RARB: variants seen among roughly 807,000 people sequenced by gnomAD.
RARB encodes HBV-activated protein.
A neutral mutation model predicts 51.9 loss-of-function variants in RARB; 17 were observed. The ratio of observed to expected loss-of-function variants is 0.33; its 90% confidence interval spans 0.22 to 0.49. The LOEUF (loss-of-function observed/expected upper bound fraction) is 0.49. Ranked by LOEUF, RARB falls within the 20% of genes least tolerant of loss-of-function variation. The probability of loss-of-function intolerance (pLI) is 0.99; values close to 1 mark genes in which losing one functional copy is unlikely to be tolerated. For missense variants in RARB, 369 were observed against 550.8 expected, an observed-to-expected ratio of 0.67 and a Z score of 3.30; for synonymous variants, 215 against 195.4, an observed-to-expected ratio of 1.10 and a Z score of -0.84.
chr3:25,552,484 T>C (rs1699887445), intron 3 of RARB, among the ~76,000 whole-genome samples: 1 of 152,096 alleles, frequency 6.6e-6, no homozygotes, highest in African/African-American at 2.4e-5. Flanking sequence ...GGGAACATTC[T>C]CGTGCCAGTG....
chr3:24,886,738 T>C (rs1035874369), intron 2 of RARB, among the ~76,000 whole-genome samples: 7 of 152,096 alleles, frequency 4.6e-5, no homozygotes, highest in Non-Finnish European at 1.0e-4. Context: ...GCCTAACCTG[T>C]AGATGAAACT....
At chr3:25,098,660 T>C (rs1361321926) in intron 3 of RARB, among the ~76,000 whole-genome samples, 3 of 152,146 alleles carry the variant, frequency 2.0e-5, no homozygotes, top group Non-Finnish European at 2.9e-5. Flanking sequence ...ACATTGTCTA[T>C]GGCTGATTTT....
At chr3:25,229,028 C>G (rs1406133319) in intron 5 of RARB, among the ~76,000 whole-genome samples, 1 of 152,246 alleles carries the variant, frequency 6.6e-6, no homozygotes, top group Non-Finnish European at 1.5e-5. Flanking sequence ...TCCACTAACT[C>G]AGTCTTCACT....
intron 2 of RARB, among the ~76,000 whole-genome samples, chr3:24,900,625 G>A (rs988704557): frequency 6.6e-6 from 1 of 152,194 alleles, no homozygotes; most frequent in Admixed American, 6.5e-5. Context: ...ATTTGCCAAA[G>A]CTTGCTTACA....
intron 5 of RARB, among the ~76,000 whole-genome samples, chr3:25,296,312 C>T (rs1284372163): frequency 1.3e-5 from 2 of 152,030 alleles, no homozygotes; most frequent in African/African-American, 4.8e-5. Context: ...AAGCTGGTAA[C>T]TAGGGTTTTG....
chr3:25,453,364 C>A (rs947187813), intron 1 of RARB, among the ~76,000 whole-genome samples: 3 of 151,452 alleles, frequency 2.0e-5, no homozygotes, highest in Non-Finnish European at 2.9e-5. Flanking sequence ...TCTCCTGCCT[C>A]AGCCTCCCGA....
intron 5 of RARB, among the ~76,000 whole-genome samples, chr3:25,249,420 C>T (rs1702649369): frequency 6.6e-6 from 1 of 151,910 alleles, no homozygotes; most frequent in Non-Finnish European, 1.5e-5. Flanking sequence ...ATTCGTTTTC[C>T]AGAATGTCAT....
chr3:24,835,343 A>T (rs763106899), intron 1 of RARB, among the ~76,000 whole-genome samples: 3 of 152,192 alleles, frequency 2.0e-5, no homozygotes, highest in Non-Finnish European at 4.4e-5. Flanking sequence ...TGTTGTTTTT[A>T]CAAGCAGGTG....
chr3:25,364,396 T>G (rs1706047764), intron 5 of RARB, among the ~76,000 whole-genome samples: 1 of 152,254 alleles, frequency 6.6e-6, no homozygotes, highest in Non-Finnish European at 1.5e-5. Flanking sequence ...TGTTGAATCC[T>G]ATGTACCTCC....
At chr3:25,093,074 G>A (rs1321562292) in intron 3 of RARB, among the ~76,000 whole-genome samples, 1 of 152,064 alleles carries the variant, frequency 6.6e-6, no homozygotes, top group Non-Finnish European at 1.5e-5. Flanking sequence ...TCATCTCATG[G>A]TCATCTCATG....
At chr3:25,049,207 G>A (rs967872327) in intron 2 of RARB, among the ~76,000 whole-genome samples, 3 of 152,184 alleles carry the variant, frequency 2.0e-5, no homozygotes, top group African/African-American at 7.2e-5. Flanking sequence ...GGATGCCTGT[G>A]GAAGAACTAA....
chr3:25,187,006 G>C (rs2125360992), intron 5 of RARB, among the ~76,000 whole-genome samples: 1 of 150,288 alleles, frequency 6.7e-6, no homozygotes, highest in East Asian at 2.0e-4. Flanking sequence ...AAGGAAGTAG[G>C]ATTTAATGGT....
chr3:24,937,214 G>A (rs1274095222), intron 2 of RARB, among the ~76,000 whole-genome samples: 1 of 151,956 alleles, frequency 6.6e-6, no homozygotes, highest in Non-Finnish European at 1.5e-5. Context: ...CTTTATTTTT[G>A]CTCTTTTATC....
chr3:25,003,974 G>C lies in RARB; in HGVS notation c.-379-56151G>C, dbSNP rs77728771. On this transcript the variant is annotated intron_variant, in intron 2 of 11. Coordinates refer to the RARB transcript ENST00000383772. Reference sequence around the variant, plus strand: ...CAGAGCATGCAGGTCATGCATAATAGCATAGAATAGGCTTTGCTGTGATAA... The same window carrying C: ...CAGAGCATGCAGGTCATGCATAATACCATAGAATAGGCTTTGCTGTGATAA... 5.0e-3 allele frequency among the ~76,000 whole-genome samples: 763 copies of C among 152,220 alleles called. 4 individuals carry two copies. Among genetic ancestry groups the C allele is most frequent in the African/African-American group, 0.017 (725 of 41,550 alleles).
chr3:25,027,797 C>G (rs1697781565), intron 2 of RARB, among the ~76,000 whole-genome samples: 1 of 152,102 alleles, frequency 6.6e-6, no homozygotes, highest in African/African-American at 2.4e-5. Context: ...TCAGGCGGCC[C>G]CAGAGGAGTT....
At chr3:25,343,744 G>T (rs966693426) in intron 5 of RARB, among the ~76,000 whole-genome samples, 1 of 152,020 alleles carries the variant, frequency 6.6e-6, no homozygotes, top group African/African-American at 2.4e-5. Flanking sequence ...AACCCCAAAA[G>T]GATTCCAGGA....
chr3:25,579,445 A>G (rs566147947), intron 4 of RARB, among the ~76,000 whole-genome samples: 1 of 152,352 alleles, frequency 6.6e-6, no homozygotes, highest in South Asian at 2.1e-4. Context: ...CCAGAACGTC[A>G]TATAAATGGA....
intron 3 of RARB, among the ~76,000 whole-genome samples, chr3:25,539,463 G>A (rs901806492): frequency 4.0e-5 from 6 of 148,414 alleles, no homozygotes; most frequent in African/African-American, 1.5e-4. Flanking sequence ...TTCAGTGGTC[G>A]CTTTTGTGGT....
At chr3:25,261,433 C>T (rs945670349) in intron 5 of RARB, among the ~76,000 whole-genome samples, 1 of 152,126 alleles carries the variant, frequency 6.6e-6, no homozygotes, top group Non-Finnish European at 1.5e-5. Flanking sequence ...CTGTAACATG[C>T]TACTGTCCCC....
Sources: allele counts gnomAD v4.1 joint callset (sites outside exome capture counted in the v4.1 genomes callset), GRCh38; gene constraint gnomAD v4.1.1; transcripts MANE v1.5; gene names NCBI Gene and HGNC (gene_info 2026-07-23, HGNC 2026-07-21).